The following UNC5C variants were observed in gnomAD, a reference collection of about 807,000 sequenced individuals.
UNC5C encodes netrin receptor UNC5C.
A neutral mutation model predicts 99.8 loss-of-function variants in UNC5C; 47 were observed. The observed-to-expected ratio is 0.47, with a 90% CI of 0.37 to 0.60. The LOEUF (loss-of-function observed/expected upper bound fraction) is 0.60, where lower values mean the gene tolerates loss of function less well. Among genes scored for constraint, UNC5C ranks in the 20% least tolerant of loss-of-function variants. The pLI is 0.00. For missense variants in UNC5C, 1,062 were observed against 1,165.9 expected (o/e 0.91, Z 1.30); for synonymous variants, 487 against 452.2 (o/e 1.08, Z -0.98).
At chr4:95,435,918 C>T (rs141139716) in intron 1 of UNC5C, among the ~76,000 whole-genome samples, 1 of 152,066 alleles carries the variant, frequency 6.6e-6, no homozygotes, top group Non-Finnish European at 1.5e-5. Flanking sequence ...TCCTATTTCC[C>T]CCACAAACTC....
intron 5 of UNC5C, 89 bp from the exon 6 acceptor site, chr4:95,245,233 A>G: frequency 7.3e-7 from 1 of 1,360,654 alleles, no homozygotes. Flanking sequence ...ATATGTAAAC[A>G]AAGAGTTATT....
chr4:95,455,627 C>CAAAT (rs964654540), intron 1 of UNC5C, among the ~76,000 whole-genome samples: 3 of 151,974 alleles, frequency 2.0e-5, no homozygotes, highest in Non-Finnish European at 2.9e-5. Flanking sequence ...GACTCTGTCT[C>CAAAT]AAATAAATAA....
chr4:95,516,061 A>G (rs755976503), intron 1 of UNC5C, among the ~76,000 whole-genome samples: 15 of 152,202 alleles, frequency 9.9e-5, no homozygotes, highest in Non-Finnish European at 1.3e-4. Context: ...GTAACTGTAC[A>G]TGCTTTTGGA....
intron 7 of UNC5C, among the ~76,000 whole-genome samples, chr4:95,222,617 A>G (rs370846805): frequency 1.3e-5 from 2 of 152,142 alleles, no homozygotes; most frequent in East Asian, 3.9e-4. Flanking sequence ...TCCCTGCCAT[A>G]TGCTTTAATT....
intron 1 of UNC5C, among the ~76,000 whole-genome samples, chr4:95,473,378 C>T (rs975400751): frequency 1.3e-5 from 2 of 152,106 alleles, no homozygotes; most frequent in African/African-American, 4.8e-5. Flanking sequence ...TAAGTTCCCA[C>T]TTTGTAGTTA....
At chr4:95,428,791 T>G (rs1448010516) in intron 1 of UNC5C, among the ~76,000 whole-genome samples, 1 of 152,160 alleles carries the variant, frequency 6.6e-6, no homozygotes, top group African/African-American at 2.4e-5. Context: ...TGTGATCTTC[T>G]TAAGCCCATC....
At chr4:95,503,571 C>G (rs1416729494) in intron 1 of UNC5C, among the ~76,000 whole-genome samples, 1 of 151,830 alleles carries the variant, frequency 6.6e-6, no homozygotes, top group Non-Finnish European at 1.5e-5. Context: ...TTCCTTTTTT[C>G]TAATATCATC....
At chr4:95,178,010 G>A (rs538510873) in intron 14 of UNC5C, among the ~76,000 whole-genome samples, 2 of 152,180 alleles carry the variant, frequency 1.3e-5, no homozygotes, top group Middle Eastern at 3.4e-3. Context: ...ACCTGGCCCA[G>A]TGAGGGATCT....
At chr4:95,193,896 G>A (rs963506070) in intron 12 of UNC5C, among the ~76,000 whole-genome samples, 1 of 152,148 alleles carries the variant, frequency 6.6e-6, no homozygotes, top group South Asian at 2.1e-4. Context: ...CATCCCTGGC[G>A]CCCGGCCTGG....
chr4:95,290,977 G>T (rs1394029058), intron 3 of UNC5C, among the ~76,000 whole-genome samples: 1 of 152,158 alleles, frequency 6.6e-6, no homozygotes, highest in African/African-American at 2.4e-5. Context: ...TTAAATGAGA[G>T]AAATTCCAGG....
At chr4:95,464,101 C>T (rs957254983) in intron 1 of UNC5C, among the ~76,000 whole-genome samples, 6 of 152,122 alleles carry the variant, frequency 3.9e-5, no homozygotes, top group East Asian at 3.9e-4. Context: ...ATTTCTATTA[C>T]GTAACAGAAA....
At chr4:95,200,725 C>T (rs2149359726) in intron 12 of UNC5C, among the ~76,000 whole-genome samples, 1 of 152,264 alleles carries the variant, frequency 6.6e-6, no homozygotes, top group South Asian at 2.1e-4. Context: ...TAGTTGGTTT[C>T]TGAATCTCTG....
At chr4:95,338,688 T>C (rs1743440143) in intron 1 of UNC5C, among the ~76,000 whole-genome samples, 1 of 152,086 alleles carries the variant, frequency 6.6e-6, no homozygotes, top group Admixed American at 6.6e-5. Flanking sequence ...TCCCTAAGTC[T>C]AGCACATTAT....
chr4:95,372,734 C>T (rs181664455), intron 1 of UNC5C, among the ~76,000 whole-genome samples: 7 of 152,156 alleles, frequency 4.6e-5, no homozygotes, highest in South Asian at 2.1e-4. Context: ...ACAGGCAGAA[C>T]GAATGTGTGG....
intron 1 of UNC5C, among the ~76,000 whole-genome samples, chr4:95,495,877 T>C (rs542272206): frequency 2.0e-5 from 3 of 151,882 alleles, no homozygotes; most frequent in South Asian, 4.1e-4. Context: ...AAAGTTCAAA[T>C]GAGTAACAAA....
At chr4:95,334,673 A>G (rs1743263086) in intron 2 of UNC5C, among the ~76,000 whole-genome samples, 1 of 152,068 alleles carries the variant, frequency 6.6e-6, no homozygotes, top group Admixed American at 6.6e-5. Flanking sequence ...TTGAAATCCC[A>G]CAGGTTATTA....
At chr4:95,283,988 C>T (rs992537346) in intron 3 of UNC5C, among the ~76,000 whole-genome samples, 6 of 152,162 alleles carry the variant, frequency 3.9e-5, no homozygotes, top group African/African-American at 1.4e-4. Context: ...ATCCAATTAG[C>T]AGATGTAGAA....
intron 1 of UNC5C, among the ~76,000 whole-genome samples, chr4:95,486,223 A>C (rs1243366968): frequency 2.0e-5 from 3 of 151,770 alleles, no homozygotes; most frequent in African/African-American, 7.2e-5. Context: ...TTAAGGCACA[A>C]AACATTTCTG....
chr4:95,466,306 C>A (rs562243417), intron 1 of UNC5C, among the ~76,000 whole-genome samples: 43 of 152,140 alleles, frequency 2.8e-4, no homozygotes, highest in African/African-American at 1.0e-3. Context: ...CTGGCCGTTG[C>A]GGAGCTTAAA....
Sources: gnomAD v4.1 joint callset for allele counts (sites outside exome capture counted in the v4.1 genomes callset) on GRCh38, gnomAD v4.1.1 for gene constraint, MANE v1.5 for transcripts, NCBI Gene and HGNC (gene_info 2026-07-23, HGNC 2026-07-21) for gene names.